The following SFXN5 variants were observed in gnomAD, a reference collection of about 807,000 sequenced individuals.
SFXN5 encodes the protein sideroflexin 5.
Under a neutral mutation model 50.2 loss-of-function variants are expected in SFXN5, and 43 were observed. The observed-to-expected ratio is 0.86, with a 90% CI of 0.67 to 1.11. The LOEUF is 1.11. SFXN5 is among the 50% of genes least tolerant of loss of function. SFXN5 has a pLI of 0.00. For synonymous variants in SFXN5, 203 were observed against 185.8 expected, an observed-to-expected ratio of 1.09 and a Z score of -0.75; for missense variants, 463 against 454.1, an observed-to-expected ratio of 1.02 and a Z score of -0.18.
At chr2:72,966,152 C>T (rs929703603) in intron 12 of SFXN5, among the ~76,000 whole-genome samples, 11 of 152,308 alleles carry the variant, frequency 7.2e-5, no homozygotes, top group South Asian at 4.1e-4. Context: ...GCAGCTTTCT[C>T]GAGCCATGGG....
intron 5 of SFXN5, among the ~76,000 whole-genome samples, chr2:73,021,141 G>A (rs1288300703): frequency 6.6e-6 from 1 of 152,174 alleles, no homozygotes; most frequent in Admixed American, 6.5e-5. Context: ...AATTACAAGA[G>A]AAGCCAGGCT....
At position 72,961,256 on chromosome 2, in the gene SFXN5, G is replaced by A. The variant is rs1673705174; in HGVS notation, c.828-8C>T. 1 of 1,514,958 alleles carries A rather than the reference G, an allele frequency of 6.6e-7. No individual in the cohort carries two copies. The highest frequency in any genetic ancestry group is 8.8e-7 in the Non-Finnish European group (1 of 1,139,914). The allele number at this position is 1,514,958 out of a possible 1,614,324, so 93.8% of individuals were successfully genotyped here. ...GCCTGCAGGAGAGCCGTCCTGTGAG[G>A]GAGAGAGGAGGGAGCCCCATGAGAC... On this transcript the variant is annotated splice_polypyrimidine_tract_variant and splice_region_variant and intron_variant, in intron 12 of 13. Transcript: ENST00000272433. This position sits in a 1 kb window ranked among gnomAD's most constrained non-coding sequence, Gnocchi z 4.4.
intron 13 of SFXN5, among the ~76,000 whole-genome samples, chr2:72,949,387 GACTGCAGCTC>G (rs1264337439): frequency 1.3e-5 from 2 of 152,146 alleles, no homozygotes; most frequent in East Asian, 1.9e-4. Flanking sequence ...GCAGTAGTGT[GACTGCAGCTC>G]ACTGCAGCCT....
At chr2:73,057,434 A>G (rs1682294169) in intron 2 of SFXN5, among the ~76,000 whole-genome samples, 1 of 152,212 alleles carries the variant, frequency 6.6e-6, no homozygotes. Context: ...CATTGCACCC[A>G]GCCTCAAAAG....
Position 73,058,485 on chromosome 2 carries a change from G to A in SFXN5, c.171+43C>T, listed in dbSNP as rs748249178. ...GACCCACATATTCTGAAATGACAAG[G>A]TACAAAGGCCCAAGGGCCACTGAGG... is the stretch of plus-strand genomic sequence containing the variant. On this transcript the variant is annotated intron_variant, in intron 2 of 13. Transcript: ENST00000272433. 7.6e-6 allele frequency: 12 copies of A among 1,574,502 alleles called. No individual in the cohort carries two copies. In the East Asian group the frequency reaches 2.7e-4, roughly 35 times the overall value.
intron 2 of SFXN5, among the ~76,000 whole-genome samples, chr2:73,054,318 CTTCA>C (rs1354954959): frequency 6.6e-6 from 1 of 152,098 alleles, no homozygotes; most frequent in African/African-American, 2.4e-5. Flanking sequence ...TTGGAGTTGC[CTTCA>C]TTATTTTCTA....
chr2:72,949,697 G>A (rs1158816147), intron 13 of SFXN5, among the ~76,000 whole-genome samples: 1 of 152,044 alleles, frequency 6.6e-6, no homozygotes, highest in East Asian at 1.9e-4. Flanking sequence ...GCCTCCTGGG[G>A]AGCATCTGTG....
At position 72,960,713 on chromosome 2, in the gene SFXN5, G is replaced by A. The variant is rs1290406732; in HGVS notation, c.945+418C>T. On this transcript the variant is annotated intron_variant, in intron 13 of 13. Transcript: ENST00000272433. This position sits in a 1 kb window ranked among gnomAD's most constrained non-coding sequence, Gnocchi z 6.1. Reference sequence around the variant, plus strand: ...CTCCCTGGTTGCGCTGCAGACTTTGGTCAGCTCTTGGACATGGCGTGTGCT... The same window carrying A: ...CTCCCTGGTTGCGCTGCAGACTTTGATCAGCTCTTGGACATGGCGTGTGCT... 1.3e-5 allele frequency among the ~76,000 whole-genome samples: 2 copies of A among 152,138 alleles called. No individual in the cohort carries two copies. Among genetic ancestry groups the A allele is most frequent in the Non-Finnish European group, 2.9e-5 (2 of 68,024 alleles).
intron 10 of SFXN5, among the ~76,000 whole-genome samples, chr2:72,977,910 C>A (rs1230795605): frequency 3.0e-4 from 45 of 147,568 alleles, no homozygotes; most frequent in Non-Finnish European, 8.9e-5. Context: ...GAGGCGGAGA[C>A]TGCAGTGAGC....
chr2:73,001,392 C>T, intron 7 of SFXN5, 133 bp downstream of exon 7: 1 of 860,978 alleles, frequency 1.2e-6, no homozygotes. Flanking sequence ...GGCTTCTGGG[C>T]TAGGGGTGGT....
At chr2:73,029,878 C>T (rs1473768692) in intron 3 of SFXN5, among the ~76,000 whole-genome samples, 1 of 151,984 alleles carries the variant, frequency 6.6e-6, no homozygotes, top group Non-Finnish European at 1.5e-5. Flanking sequence ...TTGAGAACAG[C>T]CTGGGCAACA....
At chr2:72,967,442 G>A (rs982831510) in intron 12 of SFXN5, 4 of 152,222 alleles carry the variant, frequency 2.6e-5, no homozygotes, top group Non-Finnish European at 4.4e-5. Context: ...GAATTCTGAT[G>A]GGGTGGTCAG....
At position 72,950,482 on chromosome 2, in the gene SFXN5, C is replaced by T. The variant is rs534542733; in HGVS notation, c.946-5383G>A. The stretch of plus-strand genomic sequence containing the variant: ...CAGGTGTTGGGTCAGTGGCCACCAT[C>T]TCTAGGTCTCATGGGTATTGGGACC... On this transcript the variant is annotated intron_variant, in intron 13 of 13. Coordinates refer to ENST00000272433, the MANE Select transcript of SFXN5 (RefSeq NM_144579.3). The surrounding 1 kb of genome is among the most constrained non-coding windows in gnomAD (Gnocchi z 4.2). 1.3e-5 allele frequency among the ~76,000 whole-genome samples: 2 copies of T among 152,322 alleles called. No individual in the cohort carries two copies. The highest frequency in any genetic ancestry group is 2.4e-5 in the African/African-American group (1 of 41,584).
intron 1 of SFXN5, chr2:73,071,394 G>T (rs897857934): frequency 7.2e-6 from 4 of 552,736 alleles, no homozygotes; most frequent in Admixed American, 6.8e-5. Context: ...ACGGCGCCAA[G>T]GGCCAATAGG....
chr2:73,063,237 CTG>C (rs1035499589), intron 1 of SFXN5, among the ~76,000 whole-genome samples: 3 of 152,152 alleles, frequency 2.0e-5, no homozygotes, highest in African/African-American at 4.8e-5. Flanking sequence ...GAAAGAGACT[CTG>C]AATTGGAAAT....
intron 10 of SFXN5, among the ~76,000 whole-genome samples, chr2:72,986,142 T>C (rs769569296): frequency 6.6e-6 from 1 of 152,232 alleles, no homozygotes; most frequent in Non-Finnish European, 1.5e-5. Flanking sequence ...TAAAGGGTTA[T>C]TCCATTAATG....
chr2:73,027,289 T>C (rs1677698357), intron 3 of SFXN5, among the ~76,000 whole-genome samples: 1 of 152,184 alleles, frequency 6.6e-6, no homozygotes, highest in Non-Finnish European at 1.5e-5. Context: ...CAAAAACGTT[T>C]AGAAAGTTTT....
At chr2:73,068,808 T>G (rs1683360066) in intron 1 of SFXN5, among the ~76,000 whole-genome samples, 1 of 151,236 alleles carries the variant, frequency 6.6e-6, no homozygotes, top group African/African-American at 2.4e-5. Context: ...AGAAAGGTAC[T>G]TTGCAGTAAG....
chr2:73,045,607 G>A (rs1010806330), intron 2 of SFXN5, among the ~76,000 whole-genome samples: 2 of 152,086 alleles, frequency 1.3e-5, no homozygotes, highest in African/African-American at 4.8e-5. Context: ...GTTCCACCAT[G>A]TCTTGATGGT....
Sources: allele counts gnomAD v4.1 joint callset (sites outside exome capture counted in the v4.1 genomes callset), GRCh38; gene constraint gnomAD v4.1.1; non-coding constraint Gnocchi (gnomAD v3.1); transcripts MANE v1.5; gene names NCBI Gene and HGNC (gene_info 2026-07-23, HGNC 2026-07-21).